MAN2A1: variants seen among roughly 807,000 people sequenced by gnomAD.
MAN2A1 encodes mannosidase alpha class 2A member 1, also known as alpha-mannosidase 2.
In MAN2A1, 76 loss-of-function variants were observed where a neutral mutation model predicts 142.6. That is an observed-to-expected ratio of 0.53 (90% CI 0.44 to 0.65). MAN2A1 has a LOEUF of 0.65. MAN2A1 is among the 30% of genes least tolerant of loss of function. The pLI, the probability that MAN2A1 is intolerant of heterozygous loss-of-function variation, is 0.00. For synonymous variants in MAN2A1, 559 were observed against 473.2 expected, an observed-to-expected ratio of 1.18 and a Z score of -2.35; for missense variants, 1,311 against 1,365.1, an observed-to-expected ratio of 0.96 and a Z score of 0.62.
chr5:109,738,610 C>T (rs1299055452), intron 4 of MAN2A1, among the ~76,000 whole-genome samples: 1 of 152,062 alleles, frequency 6.6e-6, no homozygotes, highest in Non-Finnish European at 1.5e-5. Flanking sequence ...TTTAACTTCT[C>T]TATACCTCAG....
At chr5:109,729,838 C>T (rs557297298) in intron 4 of MAN2A1, among the ~76,000 whole-genome samples, 1 of 151,980 alleles carries the variant, frequency 6.6e-6, no homozygotes, top group Non-Finnish European at 1.5e-5. Context: ...ACTAAAAATA[C>T]AAAAAAATTA....
At chr5:109,820,700 G>A (rs1754600629) in intron 15 of MAN2A1, among the ~76,000 whole-genome samples, 1 of 152,168 alleles carries the variant, frequency 6.6e-6, no homozygotes, top group South Asian at 2.1e-4. Flanking sequence ...AGTTACTCAG[G>A]AAGGCTGAGG....
rs1204907646 is a variant in MAN2A1, at chr5:109,867,040, A to G, written c.*42A>G. The G allele has an allele frequency of 6.4e-7, 1 of 1,563,004 alleles. No homozygotes were observed. Among genetic ancestry groups the G allele is most frequent in the Non-Finnish European group, 8.7e-7 (1 of 1,149,178 alleles). On this transcript the variant is annotated 3_prime_UTR_variant, in exon 22 of 22. Transcript: ENST00000261483. ...TGGATTGAGAATCATTGGCTTTTAT[A>G]CCTTTCTTGGTTTGACGTGCAATAA...
chr5:109,810,538 A>G (rs575462049), intron 12 of MAN2A1, among the ~76,000 whole-genome samples: 1 of 152,194 alleles, frequency 6.6e-6, no homozygotes, highest in East Asian at 1.9e-4. Context: ...CAGCCTCAGT[A>G]TTTGGCACTT....
At chr5:109,815,858 T>G (rs1448008107) in intron 12 of MAN2A1, among the ~76,000 whole-genome samples, 1 of 152,246 alleles carries the variant, frequency 6.6e-6, no homozygotes, top group South Asian at 2.1e-4. Flanking sequence ...ATTCAGTGTG[T>G]TCCTGCGGTT....
At chr5:109,719,052 AG>A (rs1751532499) in intron 3 of MAN2A1, among the ~76,000 whole-genome samples, 1 of 148,492 alleles carries the variant, frequency 6.7e-6, no homozygotes, top group Non-Finnish European at 1.5e-5. Context: ...AAGCTCTTTG[AG>A]GGCAGGGATT....
chr5:109,842,541 T>G (rs1755234710), intron 17 of MAN2A1, 80 bp downstream of exon 17: 2 of 881,826 alleles, frequency 2.3e-6, no homozygotes, highest in East Asian at 2.9e-5. Context: ...CAGTTAATTT[T>G]GGATCCTTTG....
chr5:109,788,565 T>G (rs1352980938), intron 10 of MAN2A1, among the ~76,000 whole-genome samples: 1 of 151,882 alleles, frequency 6.6e-6, no homozygotes, highest in Non-Finnish European at 1.5e-5. Context: ...GTTAAAACCC[T>G]TGTTAGAGCT....
At chr5:109,752,841 A>G (rs1752583979) in intron 4 of MAN2A1, among the ~76,000 whole-genome samples, 5 of 152,246 alleles carry the variant, frequency 3.3e-5, no homozygotes, top group Admixed American at 3.3e-4. Context: ...CATCCCAGGC[A>G]TCATGGAGGA....
At chr5:109,825,769 C>T (rs1754739164) in intron 16 of MAN2A1, among the ~76,000 whole-genome samples, 1 of 152,088 alleles carries the variant, frequency 6.6e-6, no homozygotes, top group Non-Finnish European at 1.5e-5. Context: ...AAGCAGGAGC[C>T]CGGGCCACTG....
chr5:109,725,536 A>G (rs571369464), intron 3 of MAN2A1, among the ~76,000 whole-genome samples: 130 of 152,284 alleles, frequency 8.5e-4, no homozygotes, highest in Non-Finnish European at 1.5e-3. Flanking sequence ...CTGTTTAGAC[A>G]GATTTCTGGA....
At chr5:109,698,589 A>G (rs1750881452) in intron 1 of MAN2A1, among the ~76,000 whole-genome samples, 1 of 152,216 alleles carries the variant, frequency 6.6e-6, no homozygotes, top group Non-Finnish European at 1.5e-5. Context: ...TATTTTTCAC[A>G]TGTAAATGGA....
intron 5 of MAN2A1, among the ~76,000 whole-genome samples, chr5:109,761,530 T>A (rs921829733): frequency 1.5e-4 from 23 of 152,102 alleles, no homozygotes; most frequent in Non-Finnish European, 2.9e-4. Flanking sequence ...AAAAAGTCAT[T>A]GACTTCCTGG....
chr5:109,772,811 T>G (rs1252969533), intron 7 of MAN2A1, among the ~76,000 whole-genome samples: 1 of 152,122 alleles, frequency 6.6e-6, no homozygotes, highest in African/African-American at 2.4e-5. Context: ...TGCCTAGCCC[T>G]GTTCAATTTG....
intron 3 of MAN2A1, among the ~76,000 whole-genome samples, chr5:109,728,499 G>A (rs1474676613): frequency 1.3e-5 from 2 of 152,052 alleles, no homozygotes; most frequent in African/African-American, 4.8e-5. Flanking sequence ...TGGTGGCTGT[G>A]TACGTTTTTG....
chr5:109,774,712 T>A, intron 7 of MAN2A1, 76 bp from the exon 8 acceptor site: 1 of 1,099,150 alleles, frequency 9.1e-7, no homozygotes, highest in Non-Finnish European at 1.3e-6. Flanking sequence ...TTATTTCCTT[T>A]TTAATCAATT....
chr5:109,824,295 T>C (rs912122675), intron 16 of MAN2A1, among the ~76,000 whole-genome samples: 1 of 152,204 alleles, frequency 6.6e-6, no homozygotes, highest in African/African-American at 2.4e-5. Context: ...CTTTACCCAG[T>C]AGAGTATAAA....
intron 4 of MAN2A1, among the ~76,000 whole-genome samples, chr5:109,737,757 A>G (rs541037877): frequency 6.6e-6 from 1 of 152,296 alleles, no homozygotes; most frequent in African/African-American, 2.4e-5. Context: ...ATGCTAATCC[A>G]GTTTTACCTG....
chr5:109,735,469 G>A (rs1236712861), intron 4 of MAN2A1, among the ~76,000 whole-genome samples: 4 of 152,098 alleles, frequency 2.6e-5, no homozygotes, highest in Non-Finnish European at 5.9e-5. Flanking sequence ...TCCTAGCCTC[G>A]ATGGTCTTTA....
Sources: allele counts gnomAD v4.1 joint callset (sites outside exome capture counted in the v4.1 genomes callset), GRCh38; gene constraint gnomAD v4.1.1; transcripts MANE v1.5; gene names NCBI Gene and HGNC (gene_info 2026-07-23, HGNC 2026-07-21).